The following STK33 variants were observed in gnomAD, a reference collection of about 807,000 sequenced individuals.
STK33 encodes serine/threonine kinase 33.
Under a neutral mutation model 58.0 loss-of-function variants are expected in STK33, and 52 were observed. The ratio of observed to expected loss-of-function variants is 0.90; its 90% CI spans 0.72 to 1.13. The LOEUF (loss-of-function observed/expected upper bound fraction) is 1.13. Among genes scored for constraint, STK33 ranks in the 50% most tolerant of loss-of-function variants. The pLI is 0.00. For synonymous variants in STK33, 215 were observed against 200.1 expected (o/e 1.07, Z -0.63); for missense variants, 630 against 604.2 (o/e 1.04, Z -0.45).
chr11:8,395,092 T>TTAACCAA (rs1849106652), intron 15 of STK33, among the ~76,000 whole-genome samples: 1 of 152,194 alleles, frequency 6.6e-6, no homozygotes. Context: ...GTCATTTCCA[T>TTAACCAA]TGGTTGCAGG....
At chr11:8,529,826 G>A (rs1954372613) in intron 1 of STK33, among the ~76,000 whole-genome samples, 1 of 152,172 alleles carries the variant, frequency 6.6e-6, no homozygotes, top group African/African-American at 2.4e-5. Flanking sequence ...CAGGCATGCT[G>A]ACACCTTCAT....
At chr11:8,539,078 A>C (rs1174772703) in intron 1 of STK33, among the ~76,000 whole-genome samples, 1 of 152,228 alleles carries the variant, frequency 6.6e-6, no homozygotes, top group Non-Finnish European at 1.5e-5. Flanking sequence ...CTATCCAAGA[A>C]GTATCAGCTC....
At chr11:8,360,873 A>G in the STK33 span, among the ~76,000 whole-genome samples, 1 of 152,218 alleles carries the variant, frequency 6.6e-6, no homozygotes, top group South Asian at 2.1e-4. Flanking sequence ...TCTGCTTTTA[A>G]AGGTCTCACT....
At chr11:8,452,235 T>C (rs12282398) in intron 11 of STK33, among the ~76,000 whole-genome samples, 17,213 of 151,954 alleles carry the variant, frequency 0.11, 1,719 homozygotes, top group African/African-American at 0.28. Context: ...AACATGCACA[T>C]GATTTTAACA....
At chr11:8,461,703 G>A in intron 8 of STK33, 102 bp downstream of exon 8, 1 of 820,770 alleles carries the variant, frequency 1.2e-6, no homozygotes, top group South Asian at 2.7e-5. Flanking sequence ...TCATGGCCAA[G>A]GACATGAGCA....
chr11:8,379,517 CA>C, the STK33 span, among the ~76,000 whole-genome samples: 3,530 of 152,174 alleles, frequency 0.023, 130 homozygotes, highest in African/African-American at 0.077. Flanking sequence ...GGAAGATATA[CA>C]AATGGCCAAC....
intron 6 of STK33, among the ~76,000 whole-genome samples, chr11:8,470,432 T>C (rs1948667934): frequency 6.6e-6 from 1 of 152,228 alleles, no homozygotes; most frequent in South Asian, 2.1e-4. Context: ...TTTGATCTTT[T>C]CCAAAATCAA....
downstream of STK33, among the ~76,000 whole-genome samples, chr11:8,390,238 C>A (rs750573060): frequency 6.6e-6 from 1 of 152,132 alleles, no homozygotes; most frequent in Non-Finnish European, 1.5e-5. Flanking sequence ...GAATGCGGAT[C>A]GCTACTTGAA....
At chr11:8,470,866 A>G (rs917816839) in intron 6 of STK33, among the ~76,000 whole-genome samples, 7 of 152,192 alleles carry the variant, frequency 4.6e-5, no homozygotes, top group African/African-American at 1.7e-4. Context: ...ATCAAAAATC[A>G]CTGATCACAG....
At chr11:8,369,543 G>A in the STK33 span, among the ~76,000 whole-genome samples, 1 of 127,230 alleles carries the variant, frequency 7.9e-6, no homozygotes, top group South Asian at 2.6e-4. Context: ...GGGCAGTGGG[G>A]CCTGGGGAGG....
the STK33 span, among the ~76,000 whole-genome samples, chr11:8,362,532 A>G: frequency 6.6e-6 from 1 of 152,244 alleles, no homozygotes; most frequent in Non-Finnish European, 1.5e-5. Context: ...AAAAAAGGTC[A>G]GCATATATTT....
chr11:8,509,199 C>A (rs557863309), intron 1 of STK33, among the ~76,000 whole-genome samples: 234 of 150,174 alleles, frequency 1.6e-3, no homozygotes, highest in African/African-American at 5.1e-3. Flanking sequence ...ATTAAGTACA[C>A]TTCTCATATA....
At chr11:8,570,141 T>G (rs1450148847) in intron 1 of STK33, among the ~76,000 whole-genome samples, 1 of 152,028 alleles carries the variant, frequency 6.6e-6, no homozygotes, top group African/African-American at 2.4e-5. Flanking sequence ...GATATATGAG[T>G]GTTCAATTAA....
chr11:8,449,225 C>T (rs1357050797), intron 11 of STK33, among the ~76,000 whole-genome samples: 6 of 151,548 alleles, frequency 4.0e-5, no homozygotes, highest in African/African-American at 7.3e-5. Flanking sequence ...GACAGTGTGG[C>T]GATTCCTCAG....
intron 14 of STK33, among the ~76,000 whole-genome samples, chr11:8,433,071 G>T (rs1943603862): frequency 1.3e-5 from 2 of 152,196 alleles, no homozygotes. Flanking sequence ...CTGTTTTACA[G>T]TTTATTTTGC....
chr11:8,442,796 T>TAA (rs1944933783), intron 11 of STK33, among the ~76,000 whole-genome samples: 1 of 152,074 alleles, frequency 6.6e-6, no homozygotes, highest in South Asian at 2.1e-4. Context: ...TAAAAATGAA[T>TAA]AAACTACTGA....
Position 8,473,205 on chromosome 11 carries a change from T to C in STK33, c.297A>G (p.Gly99=). Residue 99 remains glycine, a synonymous_variant, in exon 6 of 16, where the codon GGA becomes GGG. Transcript: ENST00000687296. ...TCTCAATCCTTATGTGAGGAACTTT[T>C]CCTTCTGTAAAGTTGCCCCGACCCC... ...QQWGRGNFTE[G]KVPHIRIENG... 3.1e-6 allele frequency: 5 copies of C among 1,613,644 alleles called. No homozygotes were observed. The highest frequency in any genetic ancestry group is 4.2e-6 in the Non-Finnish European group (5 of 1,179,786).
chr11:8,361,199 C>T, the STK33 span, among the ~76,000 whole-genome samples: 3 of 152,298 alleles, frequency 2.0e-5, no homozygotes, highest in South Asian at 4.1e-4. The surrounding 1 kb of genome is among the most constrained non-coding windows in gnomAD (Gnocchi z 4.8). Flanking sequence ...TGCACCTGGG[C>T]AGGGCCAGAG....
At chr11:8,586,607 T>C (rs909552634) in intron 1 of STK33, among the ~76,000 whole-genome samples, 1 of 152,088 alleles carries the variant, frequency 6.6e-6, no homozygotes, top group Admixed American at 6.6e-5. Context: ...GTGGATCACT[T>C]GAGGTCAGGA....
Sources: allele counts gnomAD v4.1 joint callset (sites outside exome capture counted in the v4.1 genomes callset), GRCh38; gene constraint gnomAD v4.1.1; non-coding constraint Gnocchi (gnomAD v3.1); transcripts MANE v1.5; gene names NCBI Gene and HGNC (gene_info 2026-07-23, HGNC 2026-07-21).